The following NUP210 variants were observed in gnomAD, a reference collection of about 807,000 sequenced individuals.
NUP210 encodes nuclear pore membrane glycoprotein 210.
Under a neutral mutation model 196.0 loss-of-function variants are expected in NUP210, and 151 were observed. The observed-to-expected ratio is 0.77, with a 90% confidence interval of 0.67 to 0.88. The LOEUF (loss-of-function observed/expected upper bound fraction) is 0.88, where lower values mean the gene tolerates loss of function less well. Among genes scored for constraint, NUP210 ranks in the 40% least tolerant of loss-of-function variants. The probability of loss-of-function intolerance (pLI) is 0.00; values close to 1 mark genes in which losing one functional copy is unlikely to be tolerated. For missense variants in NUP210, 2,314 were observed against 2,493.7 expected (o/e 0.93, Z 1.53); for synonymous variants, 1,070 against 1,052.7 (o/e 1.02, Z -0.32).
At chr3:13,401,892 TA>T (rs202054040) in intron 1 of NUP210, among the ~76,000 whole-genome samples, 192 of 145,964 alleles carry the variant, frequency 1.3e-3, no homozygotes, top group African/African-American at 2.3e-3. Flanking sequence ...AAAACTGCTT[TA>T]AAAAAAAAAA....
At chr3:13,329,214 AT>A in intron 30 of NUP210, among the ~76,000 whole-genome samples, 1 of 152,348 alleles carries the variant, frequency 6.6e-6, no homozygotes, top group East Asian at 1.9e-4. Context: ...ACTTGAATAA[AT>A]GAGATCACTA....
intron 14 of NUP210, among the ~76,000 whole-genome samples, chr3:13,362,641 C>G (rs1232536344): frequency 1.3e-5 from 2 of 152,228 alleles, no homozygotes; most frequent in Non-Finnish European, 2.9e-5. Context: ...AGGTTATCGA[C>G]TGTCTCTGGG....
At chr3:13,367,686 G>A (rs1698588384) in intron 13 of NUP210, among the ~76,000 whole-genome samples, 2 of 152,320 alleles carry the variant, frequency 1.3e-5, no homozygotes, top group Non-Finnish European at 2.9e-5. Flanking sequence ...TAACTCTTTT[G>A]TGCCTGGCTT....
chr3:13,389,297 G>T (rs1004951490), intron 4 of NUP210, among the ~76,000 whole-genome samples: 9 of 152,238 alleles, frequency 5.9e-5, no homozygotes, highest in African/African-American at 2.2e-4. Context: ...GGTGGGGAAT[G>T]GGGTATTGTC....
At chr3:13,320,490 G>A (rs748214617) in intron 36 of NUP210, among the ~76,000 whole-genome samples, 42 of 151,396 alleles carry the variant, frequency 2.8e-4, no homozygotes, top group African/African-American at 9.0e-4. Context: ...AAAATTAGCC[G>A]GATGTGGTGG....
chr3:13,337,051 G>T, intron 26 of NUP210, 133 bp from the exon 27 acceptor site: 3 of 1,142,836 alleles, frequency 2.6e-6, no homozygotes, highest in Admixed American at 4.1e-5. Flanking sequence ...CATGGCACAG[G>T]TTTGGGAATT....
At chr3:13,366,160 G>A (rs917477078) in intron 13 of NUP210, 69 bp from the exon 14 acceptor site, 14 of 1,481,586 alleles carry the variant, frequency 9.4e-6, no homozygotes, top group South Asian at 2.4e-5. Flanking sequence ...ATGGAGTCTC[G>A]CTGTGTTGCC....
chr3:13,390,111 G>A (rs993015105), intron 4 of NUP210, among the ~76,000 whole-genome samples: 2 of 152,158 alleles, frequency 1.3e-5, no homozygotes, highest in Non-Finnish European at 1.5e-5. Context: ...CTCGAGTAAG[G>A]TCTGAAGACG....
chr3:13,339,585 T>C (rs773294137), intron 25 of NUP210, among the ~76,000 whole-genome samples: 5 of 152,338 alleles, frequency 3.3e-5, no homozygotes, highest in African/African-American at 9.6e-5. Context: ...GAAGGGCCCT[T>C]TGGGGCCGGG....
Position 13,332,378 on chromosome 3 carries a change from C to T in NUP210, c.3850G>A (p.Glu1284Lys), listed in dbSNP as rs762877314. 6 of 1,612,662 alleles carry T rather than the reference C, an allele frequency of 3.7e-6. 1 individual carries two copies. The South Asian group carries it at 4.4e-5, about 12-fold the overall frequency. Residue 1284 changes from glutamate (E) to lysine (K), a missense_variant, in exon 29 of 40, where the codon GAG becomes AAG. Glu to Lys is a moderately conservative substitution (Grantham distance 56, BLOSUM62 1). Coordinates refer to ENST00000254508, the MANE Select transcript of NUP210 (RefSeq NM_024923.4). ...TCAGGGTTGAGCAGCTGCAGCTTCT[C>T]AAACACCTGCAAGAGAGGGCAAGTT... ...LSDEIQVQVF[E>K]KLQLLNPEIE...
intron 6 of NUP210, among the ~76,000 whole-genome samples, chr3:13,383,469 G>T (rs150734524): frequency 3.7e-4 from 55 of 150,200 alleles, no homozygotes; most frequent in Middle Eastern, 3.5e-3. Flanking sequence ...ACCTTGGGAG[G>T]TGCAGTTCCT....
Position 13,322,321 on chromosome 3 carries a change from T to C in NUP210, c.4787A>G (p.Gln1596Arg), listed in dbSNP as rs1292909089. ...SNLRGECTPT[Q>R]REVIQALHPE... ...GTGCAAGGCCTGGATGACTTCCCTCTGGGTGGGGGTGCACTCGCCTAGAGA... is the reference window on the plus strand; with the variant it reads ...GTGCAAGGCCTGGATGACTTCCCTCCGGGTGGGGGTGCACTCGCCTAGAGA... The change falls in exon 35 of 40, where the codon CAG (glutamine) becomes CGG (arginine). Residue 1596 changes from glutamine to arginine, a missense_variant. Coordinates refer to ENST00000254508, the MANE Select transcript of NUP210 (RefSeq NM_024923.4). 2.5e-6 allele frequency: 4 copies of C among 1,614,178 alleles called. No individual in the cohort carries two copies. Among genetic ancestry groups the C allele is most frequent in the Non-Finnish European group, 3.4e-6 (4 of 1,180,016 alleles).
At chr3:13,395,609 C>T (rs1699626641) in intron 3 of NUP210, among the ~76,000 whole-genome samples, 1 of 152,240 alleles carries the variant, frequency 6.6e-6, no homozygotes, top group African/African-American at 2.4e-5. Context: ...TGAGCCACTG[C>T]GCCCAGCCTG....
chr3:13,394,911 C>T (rs1392463716), intron 3 of NUP210, among the ~76,000 whole-genome samples: 1 of 152,104 alleles, frequency 6.6e-6, no homozygotes, highest in African/African-American at 2.4e-5. Flanking sequence ...GATGAAGGTA[C>T]TCATCAAAGT....
Position 13,379,212 on chromosome 3 carries a change from G to A in NUP210, c.977-232C>T, listed in dbSNP as rs1699021673. 6.6e-6 allele frequency among the ~76,000 whole-genome samples: 1 copy of A among 152,150 alleles called. No individual in the cohort carries two copies. Among genetic ancestry groups the A allele is most frequent in the African/African-American group, 2.4e-5 (1 of 41,416 alleles). On this transcript the variant is annotated intron_variant, in intron 7 of 39. Transcript: ENST00000254508. This position sits in a 1 kb window ranked among gnomAD's most constrained non-coding sequence, Gnocchi z 4.2. ...ATCTCTGTGAGGGACACTGGAGACC[G>A]CACAGGACACAACAACAAGTCTGGG... is the stretch of plus-strand genomic sequence containing the variant.
At chr3:13,385,402 T>C (rs1266760351) in intron 6 of NUP210, among the ~76,000 whole-genome samples, 1 of 152,204 alleles carries the variant, frequency 6.6e-6, no homozygotes, top group Non-Finnish European at 1.5e-5. Flanking sequence ...ATGTTAAACA[T>C]ACACAGCTTT....
In NUP210 at chr3:13,379,841, G is replaced by C; in HGVS notation, c.818-120C>G. 1 of 760,016 alleles carries C rather than the reference G, an allele frequency of 1.3e-6. No homozygotes were observed. Among genetic ancestry groups the C allele is most frequent in the Non-Finnish European group, 2.0e-6 (1 of 501,174 alleles). 47.1% of individuals were successfully genotyped at this position (760,016 alleles called of 1,614,324 possible). A position where few individuals can be genotyped will look rare whatever the true frequency, so the allele number is the denominator to read the frequency against. The stretch of plus-strand genomic sequence containing the variant: ...GCACTCTGCTCTCAGTACAGCTGAC[G>C]CATTTTCTTAATTGTTTTCAGTGCT... On this transcript the variant is annotated intron_variant, in intron 6 of 39. Transcript: ENST00000254508. The surrounding 1 kb of genome is among the most constrained non-coding windows in gnomAD (Gnocchi z 4.2).
intron 37 of NUP210, 78 bp from the exon 38 acceptor site, chr3:13,319,403 C>T (rs1696413692): frequency 5.8e-6 from 7 of 1,217,014 alleles, no homozygotes; most frequent in Non-Finnish European, 8.3e-6. Flanking sequence ...CCCTACTGTA[C>T]GTCTACAGGG....
intron 3 of NUP210, 84 bp from the exon 4 acceptor site, chr3:13,391,391 T>G: frequency 1.2e-6 from 1 of 836,764 alleles, no homozygotes; most frequent in Admixed American, 2.1e-5. Context: ...TTCTGCCCCA[T>G]GCAGGAACCA....
Sources: allele counts gnomAD v4.1 joint callset (sites outside exome capture counted in the v4.1 genomes callset), GRCh38; gene constraint gnomAD v4.1.1; non-coding constraint Gnocchi (gnomAD v3.1); transcripts MANE v1.5; gene names NCBI Gene and HGNC (gene_info 2026-07-23, HGNC 2026-07-21).